Variants in MUC7 observed in about 807,000 individuals in gnomAD.
The protein encoded by MUC7 is mucin 7, secreted, also known as mucin-7.
Under a neutral mutation model 2.5 loss-of-function variants are expected in MUC7, and 2 were observed. The ratio of observed to expected loss-of-function variants is 0.81; its 90% CI spans 0.33 to 2.55. MUC7 has a LOEUF of 2.55. Ranked by LOEUF, MUC7 falls within the 30% of genes most tolerant of loss-of-function variation. MUC7 has a pLI of 0.11. For synonymous variants in MUC7, 133 were observed against 173.4 expected (o/e 0.77, Z 1.83); for missense variants, 408 against 455.6 (o/e 0.90, Z 0.95).
At position 70,474,098 on chromosome 4, in the gene MUC7, T is replaced by A. The variant is rs755837238; in HGVS notation, c.54+23T>A. 5.6e-6 allele frequency: 9 copies of A among 1,606,456 alleles called. No individual in the cohort carries two copies. In the African/African-American group the frequency reaches 1.1e-4, roughly 19 times the overall value. On this transcript the variant is annotated intron_variant, in intron 2 of 2. Coordinates refer to ENST00000304887, the MANE Select transcript of MUC7 (RefSeq NM_152291.3). ...TCGGTAAGTATTCACCCAAATAAGT[T>A]TTTTCCTTAACTATCAATAACAAAC...
chr4:70,477,844 T>C (rs1735050932), intron 2 of MUC7, among the ~76,000 whole-genome samples: 1 of 152,192 alleles, frequency 6.6e-6, no homozygotes, highest in African/African-American at 2.4e-5. Flanking sequence ...ACTTTTTTAA[T>C]AAAAATAAAT....
intron 1 of MUC7, among the ~76,000 whole-genome samples, chr4:70,466,722 T>C (rs1734694073): frequency 6.6e-6 from 1 of 152,290 alleles, no homozygotes; most frequent in East Asian, 1.9e-4. Flanking sequence ...CCTAAATATA[T>C]ATGCACCCAA....
At chr4:70,463,841 C>T (rs755179954) in intron 1 of MUC7, among the ~76,000 whole-genome samples, 6 of 152,158 alleles carry the variant, frequency 3.9e-5, no homozygotes, top group African/African-American at 1.2e-4. Flanking sequence ...AACACCAAGT[C>T]GGCCAGATCT....
At chr4:70,478,531 G>A (rs2109746450) in intron 2 of MUC7, among the ~76,000 whole-genome samples, 1 of 152,296 alleles carries the variant, frequency 6.6e-6, no homozygotes, top group South Asian at 2.1e-4. Flanking sequence ...TAAGTGACTT[G>A]ACCAAAGTCA....
intron 1 of MUC7, 111 bp from the exon 2 acceptor site, chr4:70,473,896 C>A: frequency 2.7e-6 from 2 of 728,988 alleles, no homozygotes; most frequent in East Asian, 2.6e-5. Flanking sequence ...TTTCAGAAAC[C>A]ATTGGTCTCT....
intron 1 of MUC7, among the ~76,000 whole-genome samples, chr4:70,457,759 A>T (rs1022799023): frequency 3.9e-5 from 6 of 152,202 alleles, no homozygotes; most frequent in African/African-American, 1.4e-4. Context: ...TGTGTGTGTG[A>T]GAGAGAGATA....
chr4:70,442,683 G>A (rs1453160782), intron 1 of MUC7, among the ~76,000 whole-genome samples: 1 of 152,178 alleles, frequency 6.6e-6, no homozygotes, highest in Non-Finnish European at 1.5e-5. Context: ...CCAAAATAAG[G>A]ATCTCTAAAC....
intron 1 of MUC7, among the ~76,000 whole-genome samples, chr4:70,433,241 A>G (rs1468357009): frequency 6.6e-6 from 1 of 152,144 alleles, no homozygotes; most frequent in Non-Finnish European, 1.5e-5. Context: ...TGAAATTTAA[A>G]GTAGTTTTTT....
chr4:70,431,479 G>C (rs1733663203), intron 1 of MUC7, among the ~76,000 whole-genome samples: 1 of 151,848 alleles, frequency 6.6e-6, no homozygotes, highest in South Asian at 2.1e-4. Context: ...TCCTACTAGT[G>C]GGTTTTTTTT....
At chr4:70,445,992 C>T (rs1200415898) in intron 1 of MUC7, among the ~76,000 whole-genome samples, 1 of 152,168 alleles carries the variant, frequency 6.6e-6, no homozygotes, top group Non-Finnish European at 1.5e-5. Flanking sequence ...TGGCCACTCA[C>T]TCATTTGTTT....
chr4:70,480,803 G>C lies in MUC7; in HGVS notation c.59G>C (p.Ser20Thr). 1 of 1,612,438 alleles carries C rather than the reference G, an allele frequency of 6.2e-7. No homozygotes were observed. The highest frequency in any genetic ancestry group is 8.5e-7 in the Non-Finnish European group (1 of 1,178,748). ...ICALSACFSF[S>T]EGRERDHELR... Reference sequence around the variant, plus strand: ...CATTTTCTTTCTTTTCTGCAGTTCAGTGAAGGTCGAGAAAGGGATCATGAA... The same window carrying C: ...CATTTTCTTTCTTTTCTGCAGTTCACTGAAGGTCGAGAAAGGGATCATGAA... The change falls in exon 3 of 3, where the codon AGT becomes ACT. Residue 20 changes from serine (S) to threonine (T), a missense_variant. By Grantham distance (58) the Ser-to-Thr change is moderately conservative (BLOSUM62 1). This residue lies in a region of MUC7 where 225 missense variants were observed against 240.5 expected (regional missense o/e 0.94). Coordinates refer to ENST00000304887, the MANE Select transcript of MUC7 (RefSeq NM_152291.3).
rs41495545 is a variant in MUC7 at position 70,477,872 on chromosome 4, A to C, written c.55-2927A>C. ...AAATAAATAATGAATGTGAACAGGC[A>C]GGCAGGGTTGCTATCTTTAATACAC... is the stretch of plus-strand genomic sequence containing the variant. On this transcript the variant is annotated intron_variant, in intron 2 of 2. Coordinates refer to ENST00000304887, the MANE Select transcript of MUC7 (RefSeq NM_152291.3). Among the ~76,000 whole-genome samples, 1,314 of 152,320 alleles carry C rather than the reference A, an allele frequency of 8.6e-3. 44 individuals carry two copies. The East Asian group carries it at 0.096, about 11-fold the overall frequency.
chr4:70,459,445 G>A (rs988689233), intron 1 of MUC7, among the ~76,000 whole-genome samples: 1 of 152,142 alleles, frequency 6.6e-6, no homozygotes, highest in African/African-American at 2.4e-5. Flanking sequence ...TTGGGGGAGC[G>A]AGGAGGGATA....
intron 1 of MUC7, among the ~76,000 whole-genome samples, chr4:70,436,197 G>A (rs1314559389): frequency 1.3e-5 from 2 of 152,048 alleles, no homozygotes; most frequent in Non-Finnish European, 2.9e-5. Context: ...TGCTCTTCTC[G>A]AGGAGTATCT....
intron 1 of MUC7, among the ~76,000 whole-genome samples, chr4:70,435,273 T>G (rs2109786853): frequency 6.6e-6 from 1 of 152,326 alleles, no homozygotes; most frequent in Middle Eastern, 3.4e-3. Flanking sequence ...GTTAATTTAC[T>G]GTCTCGTTGA....
At chr4:70,453,800 T>A (rs1734350866) in intron 1 of MUC7, among the ~76,000 whole-genome samples, 1 of 152,132 alleles carries the variant, frequency 6.6e-6, no homozygotes, top group African/African-American at 2.4e-5. Flanking sequence ...CAATATGGCA[T>A]ACTACCTTGG....
chr4:70,478,938 AT>A (rs1735088682), intron 2 of MUC7, among the ~76,000 whole-genome samples: 1 of 152,212 alleles, frequency 6.6e-6, no homozygotes, highest in Admixed American at 6.5e-5. Context: ...ATCAGAAGCC[AT>A]TATGTTAGCT....
At chr4:70,474,742 A>C (rs931948320) in intron 2 of MUC7, among the ~76,000 whole-genome samples, 3 of 152,192 alleles carry the variant, frequency 2.0e-5, no homozygotes, top group Non-Finnish European at 4.4e-5. Flanking sequence ...TCTGTCAGGA[A>C]GTCTCAGCAT....
intron 2 of MUC7, among the ~76,000 whole-genome samples, chr4:70,474,563 C>CTAGG (rs35293664): frequency 3.4e-4 from 51 of 151,448 alleles, no homozygotes; most frequent in Non-Finnish European, 4.4e-4. Context: ...GGTAGATAGA[C>CTAGG]TAGGTAGGTA....
Sources: allele counts gnomAD v4.1 joint callset (sites outside exome capture counted in the v4.1 genomes callset), GRCh38; gene constraint gnomAD v4.1.1; regional missense constraint gnomAD v4.1.1; transcripts MANE v1.5; gene names NCBI Gene and HGNC (gene_info 2026-07-23, HGNC 2026-07-21).